Variants in DLG2 observed in about 807,000 individuals in gnomAD.
DLG2 encodes disks large homolog 2.
Under a neutral mutation model 132.5 loss-of-function variants are expected in DLG2, and 45 were observed. The observed-to-expected ratio is 0.34, with a 90% CI of 0.27 to 0.44. The LOEUF (loss-of-function observed/expected upper bound fraction) is 0.44, where lower values mean the gene tolerates loss of function less well. Among genes scored for constraint, DLG2 ranks in the 20% least tolerant of loss-of-function variants. The pLI, the probability that DLG2 is intolerant of heterozygous loss-of-function variation, is 1.00. For missense variants in DLG2, 1,045 were observed against 1,196.9 expected (o/e 0.87, Z 1.87); for synonymous variants, 424 against 419.6 (o/e 1.01, Z -0.13).
intron 19 of DLG2, among the ~76,000 whole-genome samples, chr11:83,604,554 G>A (rs505998): frequency 0.31 from 46,999 of 151,926 alleles, 8,339 homozygotes; most frequent in East Asian, 0.47. Context: ...TACTCCATAC[G>A]ATACTATAAT....
chr11:85,469,106 G>A (rs1384929484), intron 3 of DLG2, among the ~76,000 whole-genome samples: 3 of 152,184 alleles, frequency 2.0e-5, no homozygotes, highest in Admixed American at 6.5e-5. Context: ...AACCATGAAA[G>A]TATTATCACT....
chr11:83,946,177 A>G (rs2083898921), intron 14 of DLG2, among the ~76,000 whole-genome samples: 1 of 151,870 alleles, frequency 6.6e-6, no homozygotes, highest in South Asian at 2.1e-4. Context: ...TTTAGGAGAG[A>G]TGTGGCTTCA....
chr11:84,590,587 C>T (rs1029126309), intron 6 of DLG2, among the ~76,000 whole-genome samples: 9 of 151,828 alleles, frequency 5.9e-5, no homozygotes, highest in Admixed American at 1.3e-4. Context: ...GATAATGGCT[C>T]GTAGGGGAAA....
intron 17 of DLG2, among the ~76,000 whole-genome samples, chr11:83,796,317 C>A (rs3862776): frequency 0.66 from 99,669 of 151,762 alleles, 33,105 homozygotes; most frequent in Middle Eastern, 0.83. Flanking sequence ...ATGAAAAAAA[C>A]CAAAACAGTT....
chr11:84,729,538 G>A (rs554251615), intron 6 of DLG2, among the ~76,000 whole-genome samples: 3 of 152,154 alleles, frequency 2.0e-5, no homozygotes, highest in South Asian at 4.1e-4. Flanking sequence ...GAGGTGCTGA[G>A]TAGAATGCAT....
At chr11:85,217,652 T>G (rs2082711186) in intron 4 of DLG2, among the ~76,000 whole-genome samples, 3 of 152,174 alleles carry the variant, frequency 2.0e-5, no homozygotes, top group Non-Finnish European at 2.9e-5. Flanking sequence ...CATACTCCAG[T>G]TGAAACCACT....
chr11:85,428,489 A>T lies in DLG2; in HGVS notation c.41-143124T>A, dbSNP rs557655324. ...TTAAGAAACTCACTCAAAACCACAT[A>T]ACTACATGGAAACTGAACAACCTGC... On this transcript the variant is annotated intron_variant, in intron 3 of 27. Coordinates refer to ENST00000376104, the MANE Select transcript of DLG2 (RefSeq NM_001142699.3). Among the ~76,000 whole-genome samples, 5 of 152,360 alleles carry T rather than the reference A, an allele frequency of 3.3e-5. No individual in the cohort carries two copies. The South Asian group carries it at 1.0e-3, about 32-fold the overall frequency.
At chr11:84,444,405 C>A (rs1426009164) in intron 7 of DLG2, among the ~76,000 whole-genome samples, 1 of 151,978 alleles carries the variant, frequency 6.6e-6, no homozygotes, top group African/African-American at 2.4e-5. Context: ...ATTAAAATAA[C>A]AATTAAAAAT....
intron 3 of DLG2, among the ~76,000 whole-genome samples, chr11:85,502,852 G>A (rs1423890935): frequency 6.6e-6 from 1 of 152,076 alleles, no homozygotes; most frequent in Non-Finnish European, 1.5e-5. Context: ...AAAAACTCAT[G>A]TGTACCTGGA....
At chr11:83,720,961 C>A (rs1333959203) in intron 18 of DLG2, 1 of 151,986 alleles carries the variant, frequency 6.6e-6, no homozygotes, top group East Asian at 1.9e-4. Flanking sequence ...GGTGAATCAA[C>A]TAATCTGATT....
chr11:85,093,446 C>A (rs964187142), intron 6 of DLG2, among the ~76,000 whole-genome samples: 3 of 152,162 alleles, frequency 2.0e-5, no homozygotes, highest in African/African-American at 7.2e-5. Context: ...CTCACAGACA[C>A]AGCCCAAATA....
intron 3 of DLG2, among the ~76,000 whole-genome samples, chr11:85,435,774 C>A (rs2153021750): frequency 6.6e-6 from 1 of 152,308 alleles, no homozygotes; most frequent in South Asian, 2.1e-4. Flanking sequence ...TCCCATCAAA[C>A]TACCATTGAC....
At chr11:83,957,238 T>C (rs2087116814) in intron 14 of DLG2, among the ~76,000 whole-genome samples, 1 of 152,040 alleles carries the variant, frequency 6.6e-6, no homozygotes, top group South Asian at 2.1e-4. Flanking sequence ...CCAGTTCTAA[T>C]CCACAAAGTT....
intron 6 of DLG2, among the ~76,000 whole-genome samples, chr11:84,674,960 G>A (rs184839085): frequency 2.0e-5 from 3 of 152,186 alleles, no homozygotes; most frequent in African/African-American, 7.2e-5. Context: ...CACCGACTTT[G>A]TATTGTGGGA....
At chr11:84,323,921 A>ATTGAG (rs1022824476) in intron 7 of DLG2, among the ~76,000 whole-genome samples, 7 of 151,928 alleles carry the variant, frequency 4.6e-5, no homozygotes, top group Non-Finnish European at 1.0e-4. Flanking sequence ...TTTTTTGGCT[A>ATTGAG]TTGAGTTGTA....
At chr11:84,873,107 C>T (rs949764173) in intron 6 of DLG2, among the ~76,000 whole-genome samples, 2 of 152,142 alleles carry the variant, frequency 1.3e-5, no homozygotes, top group South Asian at 2.1e-4. Context: ...ATTTCATATA[C>T]GTGATTAAGC....
At chr11:83,728,669 T>C (rs2090461349) in intron 18 of DLG2, among the ~76,000 whole-genome samples, 1 of 152,218 alleles carries the variant, frequency 6.6e-6, no homozygotes, top group African/African-American at 2.4e-5. Flanking sequence ...TTTGCACAAA[T>C]CCCGGACACA....
intron 18 of DLG2, among the ~76,000 whole-genome samples, chr11:83,678,345 G>A (rs2078127253): frequency 6.6e-6 from 1 of 152,176 alleles, no homozygotes; most frequent in Admixed American, 6.6e-5. Context: ...GCAACTCAAG[G>A]TAGGCTGACT....
chr11:85,500,551 A>AT (rs370371483), intron 3 of DLG2, among the ~76,000 whole-genome samples: 96,260 of 128,134 alleles, frequency 0.75, 34,744 homozygotes, highest in Middle Eastern at 0.81. Context: ...TAAAAAAAAT[A>AT]AAAATAAAAT....
Sources: allele counts gnomAD v4.1 joint callset (sites outside exome capture counted in the v4.1 genomes callset), GRCh38; gene constraint gnomAD v4.1.1; transcripts MANE v1.5; gene names NCBI Gene and HGNC (gene_info 2026-07-23, HGNC 2026-07-21).